LYPLA1: variants seen among roughly 807,000 people sequenced by gnomAD.
LYPLA1 encodes the protein lysophospholipase 1, also known as acyl-protein thioesterase 1.
Under a neutral mutation model 34.0 loss-of-function variants are expected in LYPLA1, and 17 were observed. That is an observed-to-expected ratio of 0.50 (90% CI 0.34 to 0.75). The LOEUF is 0.75. Among genes scored for constraint, LYPLA1 ranks in the 30% least tolerant of loss-of-function variants. The pLI is 0.01. For missense variants in LYPLA1, 203 were observed against 288.8 expected, an observed-to-expected ratio of 0.70 and a Z score of 2.15; for synonymous variants, 98 against 100.8, an observed-to-expected ratio of 0.97 and a Z score of 0.17.
chr8:54,055,352 C>T (rs1020886729), intron 5 of LYPLA1, among the ~76,000 whole-genome samples: 3 of 151,784 alleles, frequency 2.0e-5, no homozygotes, highest in African/African-American at 4.8e-5. Flanking sequence ...ATCAAATTTC[C>T]GATAGTCACA....
intron 2 of LYPLA1, among the ~76,000 whole-genome samples, chr8:54,093,292 A>G (rs1406561937): frequency 6.6e-6 from 1 of 152,222 alleles, no homozygotes; most frequent in African/African-American, 2.4e-5. Flanking sequence ...TTTATTTAAA[A>G]ATAGGCTCTT....
At chr8:54,066,738 G>A (rs57093383) in intron 2 of LYPLA1, among the ~76,000 whole-genome samples, 18,920 of 150,668 alleles carry the variant, frequency 0.13, 3,139 homozygotes, top group African/African-American at 0.39. Context: ...CCGAGATCAC[G>A]CCACTGCACT....
chr8:54,060,689 CTTTTTTTTTTTTT>C (rs761596145), intron 5 of LYPLA1, among the ~76,000 whole-genome samples: 1 of 123,484 alleles, frequency 8.1e-6, no homozygotes, highest in African/African-American at 3.5e-5. Flanking sequence ...TTTTTTCTTC[CTTTTTTTTTTTTT>C]TTTTTTTTGA....
At chr8:54,078,759 AG>A (rs1184355089) in intron 2 of LYPLA1, among the ~76,000 whole-genome samples, 4 of 152,196 alleles carry the variant, frequency 2.6e-5, no homozygotes, top group Admixed American at 6.6e-5. Flanking sequence ...TTTTGAGACA[AG>A]ATTATAGATT....
intron 1 of LYPLA1, chr8:54,101,546 TG>T: frequency 1.7e-6 from 2 of 1,145,964 alleles, no homozygotes; most frequent in Non-Finnish European, 2.1e-6. Context: ...AGGGAGGAGC[TG>T]GGGACTGGCC....
chr8:54,064,579 C>T (rs192579427), intron 3 of LYPLA1, among the ~76,000 whole-genome samples: 358 of 152,318 alleles, frequency 2.4e-3, no homozygotes, highest in African/African-American at 8.1e-3. Flanking sequence ...ATCTTCTCAG[C>T]TGTTATTCTT....
At chr8:54,065,687 G>A in intron 3 of LYPLA1, 61 bp downstream of exon 3, 2 of 1,263,684 alleles carry the variant, frequency 1.6e-6, no homozygotes, top group South Asian at 2.5e-5. Flanking sequence ...GAAGGGTAAA[G>A]CAATCACAAT....
chr8:54,075,929 G>C (rs879272282), intron 2 of LYPLA1, among the ~76,000 whole-genome samples: 64 of 152,166 alleles, frequency 4.2e-4, no homozygotes, highest in Non-Finnish European at 8.8e-4. Flanking sequence ...TTATTGATTG[G>C]TCCCCTAAGG....
In LYPLA1 at chr8:54,051,091, T is replaced by G; in HGVS notation, c.560A>C (p.Glu187Ala). The G allele has an allele frequency of 6.2e-7, 1 of 1,613,992 alleles. No homozygotes were observed. The highest frequency in any genetic ancestry group is 8.5e-7 in the Non-Finnish European group (1 of 1,179,908). ...VPLMFGSLTVEKLKTLVNPAN... is the reference protein window; with the variant it reads ...VPLMFGSLTVAKLKTLVNPAN... ...TGGATTCACCAATGTTTTTAGTTTTTCCACCGTAAGAGAACCAAACATCAG... is the reference window on the plus strand; with the variant it reads ...TGGATTCACCAATGTTTTTAGTTTTGCCACCGTAAGAGAACCAAACATCAG... Residue 187 changes from glutamate (E) to alanine (A), a missense_variant, in exon 8 of 9, where the codon GAA becomes GCA. By Grantham distance (107) the Glu-to-Ala change is moderately radical. Transcript: ENST00000316963.
At chr8:54,082,039 T>A (rs1049654716) in intron 2 of LYPLA1, among the ~76,000 whole-genome samples, 4 of 152,070 alleles carry the variant, frequency 2.6e-5, no homozygotes, top group African/African-American at 9.7e-5. Flanking sequence ...GAGAGAAATT[T>A]AAAAAACAAA....
intron 2 of LYPLA1, among the ~76,000 whole-genome samples, chr8:54,086,437 TTAAA>T (rs1808775332): frequency 1.5e-4 from 5 of 32,734 alleles, no homozygotes; most frequent in African/African-American, 1.1e-3. Context: ...ACTAAAAAAA[TTAAA>T]AAAAAAAAAA....
intron 5 of LYPLA1, among the ~76,000 whole-genome samples, chr8:54,057,373 T>C (rs1586086216): frequency 6.6e-6 from 1 of 152,174 alleles, no homozygotes; most frequent in Non-Finnish European, 1.5e-5. Context: ...ATGTTTGTTG[T>C]AGCACTGTTC....
chr8:54,088,660 A>G (rs1265650173), intron 2 of LYPLA1, among the ~76,000 whole-genome samples: 2 of 152,262 alleles, frequency 1.3e-5, no homozygotes, highest in Non-Finnish European at 2.9e-5. Flanking sequence ...AGTCTTGTAC[A>G]CAAACGTGCA....
intron 7 of LYPLA1, 66 bp downstream of exon 7, chr8:54,052,589 C>A: frequency 9.9e-7 from 1 of 1,008,672 alleles, no homozygotes; most frequent in Non-Finnish European, 1.5e-6. Flanking sequence ...ATGACTTTAT[C>A]TCCAACAATA....
At chr8:54,061,244 C>T (rs1255820116) in intron 5 of LYPLA1, among the ~76,000 whole-genome samples, 2 of 151,412 alleles carry the variant, frequency 1.3e-5, no homozygotes, top group Non-Finnish European at 2.9e-5. Flanking sequence ...CCACGCCCAG[C>T]TAATTTTTTA....
chr8:54,071,219 A>G (rs528882575), intron 2 of LYPLA1, among the ~76,000 whole-genome samples: 1 of 143,908 alleles, frequency 6.9e-6, no homozygotes, highest in African/African-American at 2.5e-5. Context: ...GCTCAAATGA[A>G]CACATACTCC....
At chr8:54,048,241 T>C (rs1420721994) in intron 8 of LYPLA1, 123 bp from the exon 9 acceptor site, 3 of 630,318 alleles carry the variant, frequency 4.8e-6, no homozygotes, top group East Asian at 2.7e-5. Context: ...TTTACTACAA[T>C]TAAATAAGAC....
At chr8:54,078,300 C>A (rs984724527) in intron 2 of LYPLA1, among the ~76,000 whole-genome samples, 2 of 152,148 alleles carry the variant, frequency 1.3e-5, no homozygotes, top group East Asian at 1.9e-4. Flanking sequence ...TAATCCAATA[C>A]AATTTTCAAA....
At chr8:54,065,697 T>G (rs748875518) in intron 3 of LYPLA1, 51 bp downstream of exon 3, 1 of 1,416,580 alleles carries the variant, frequency 7.1e-7, no homozygotes, top group Non-Finnish European at 1.0e-6. Flanking sequence ...GCAATCACAA[T>G]TGCTCCTCTC....
Sources: gnomAD v4.1 joint callset for allele counts (sites outside exome capture counted in the v4.1 genomes callset) on GRCh38, gnomAD v4.1.1 for gene constraint, MANE v1.5 for transcripts, NCBI Gene and HGNC (gene_info 2026-07-23, HGNC 2026-07-21) for gene names.